PDE3A: variants seen among roughly 807,000 people sequenced by gnomAD.
PDE3A encodes phosphodiesterase 3A, also known as cGMP-inhibited 3',5'-cyclic phosphodiesterase 3A.
PDE3A carries 43 observed loss-of-function variants against 98.3 expected under a neutral mutation model. The observed-to-expected ratio is 0.44, with a 90% confidence interval of 0.34 to 0.56. The LOEUF (loss-of-function observed/expected upper bound fraction) is 0.56. PDE3A is among the 20% of genes least tolerant of loss of function. The pLI, the probability that PDE3A is intolerant of heterozygous loss-of-function variation, is 0.01. For synonymous variants in PDE3A, 663 were observed against 567.9 expected, an observed-to-expected ratio of 1.17 and a Z score of -2.38; for missense variants, 1,427 against 1,440.7, an observed-to-expected ratio of 0.99 and a Z score of 0.15.
chr12:20,501,161 AG>A (rs1946017728), intron 1 of PDE3A, among the ~76,000 whole-genome samples: 1 of 152,206 alleles, frequency 6.6e-6, no homozygotes, highest in African/African-American at 2.4e-5. Flanking sequence ...CAGGCATACA[AG>A]TTTTTTCTCT....
intron 15 of PDE3A, among the ~76,000 whole-genome samples, chr12:20,673,909 T>C (rs1050929617): frequency 2.0e-5 from 3 of 152,118 alleles, no homozygotes; most frequent in Admixed American, 2.0e-4. Flanking sequence ...CATACATTGC[T>C]TGGGTAGAAT....
rs1490278100 is a variant in PDE3A at position 20,686,248 on chromosome 12, G to A, written c.*5977G>A. ...ATAATTTAACTTTGTACAAATTATA[G>A]TCTGAGATCTTCTGAGTTTTCCTAA... On this transcript the variant is annotated 3_prime_UTR_variant, in exon 16 of 16. Transcript: ENST00000359062. 2.0e-5 allele frequency among the ~76,000 whole-genome samples: 3 copies of A among 152,126 alleles called. No individual in the cohort carries two copies. The highest frequency in any genetic ancestry group is 6.5e-5 in the Admixed American group (1 of 15,272).
chr12:20,468,980 C>T (rs1447492508), intron 1 of PDE3A, among the ~76,000 whole-genome samples: 2 of 152,164 alleles, frequency 1.3e-5, no homozygotes, highest in Non-Finnish European at 2.9e-5. Context: ...ATTATCTGAG[C>T]CCTCACAATT....
intron 1 of PDE3A, among the ~76,000 whole-genome samples, chr12:20,386,182 TAA>T (rs1476240053): frequency 1.4e-5 from 1 of 72,410 alleles, no homozygotes; most frequent in East Asian, 3.4e-4. Context: ...AAAATATATA[TAA>T]ATATATATAA....
chr12:20,378,967 G>T (rs1943618392), intron 1 of PDE3A, among the ~76,000 whole-genome samples: 2 of 151,626 alleles, frequency 1.3e-5, no homozygotes, highest in Non-Finnish European at 3.0e-5. Flanking sequence ...CCAGTACCTT[G>T]TTAGAATATT....
intron 15 of PDE3A, among the ~76,000 whole-genome samples, chr12:20,667,202 A>G (rs1469064520): frequency 2.0e-5 from 3 of 152,074 alleles, no homozygotes; most frequent in Admixed American, 6.6e-5. Flanking sequence ...AACAATTTGC[A>G]TATATTTTCT....
chr12:20,399,004 C>G (rs1015066012), intron 1 of PDE3A, among the ~76,000 whole-genome samples: 1 of 152,138 alleles, frequency 6.6e-6, no homozygotes, highest in African/African-American at 2.4e-5. Context: ...CCCCTGGTAA[C>G]TACCATTCCA....
At chr12:20,574,850 T>TC (rs1942891777) in intron 2 of PDE3A, among the ~76,000 whole-genome samples, 1 of 152,018 alleles carries the variant, frequency 6.6e-6, no homozygotes, top group South Asian at 2.1e-4. Context: ...CTCAATATCA[T>TC]CCTACAGTAA....
At chr12:20,572,929 C>T (rs1942836059) in intron 2 of PDE3A, among the ~76,000 whole-genome samples, 1 of 152,034 alleles carries the variant, frequency 6.6e-6, no homozygotes. Context: ...TCCCCCCATA[C>T]TGTACTGATT....
chr12:20,597,978 T>G (rs1943504765), intron 2 of PDE3A, among the ~76,000 whole-genome samples: 1 of 152,106 alleles, frequency 6.6e-6, no homozygotes, highest in South Asian at 2.1e-4. Context: ...ATACTTATGT[T>G]TTTTTTGTGC....
chr12:20,613,538 C>A lies in PDE3A; in HGVS notation c.1107C>A (p.Asn369Lys), dbSNP rs766934005. Residue 369 changes from asparagine to lysine, a missense_variant, in exon 3 of 16, where the codon AAC becomes AAA. Asn to Lys is a moderately conservative substitution (Grantham distance 94). Transcript: ENST00000359062. ...DLLADPSLPP[N>K]VCTSLRAVSN... ...TGGCAGACCCTTCTCTTCCACCAAACGTGTGCACATCCTTGAGAGCCGTGA... is the reference window on the plus strand; with the variant it reads ...TGGCAGACCCTTCTCTTCCACCAAAAGTGTGCACATCCTTGAGAGCCGTGA... 3.0e-5 allele frequency: 49 copies of A among 1,614,010 alleles called. 1 individual carries two copies. In the East Asian group the frequency reaches 1.1e-3, roughly 35 times the overall value.
At chr12:20,598,349 A>AT (rs1943514922) in intron 2 of PDE3A, among the ~76,000 whole-genome samples, 2 of 151,748 alleles carry the variant, frequency 1.3e-5, no homozygotes, top group South Asian at 4.2e-4. Flanking sequence ...CGCCCGGCTA[A>AT]TTTTTTGTAT....
At chr12:20,533,690 C>G (rs976300688) in intron 1 of PDE3A, among the ~76,000 whole-genome samples, 3 of 151,520 alleles carry the variant, frequency 2.0e-5, no homozygotes, top group Non-Finnish European at 2.9e-5. Context: ...CCGTGTTAGC[C>G]AGGATGGTCT....
At chr12:20,654,310 A>ATCATT (rs762004562) in intron 15 of PDE3A, 105 bp downstream of exon 15, 41 of 1,093,656 alleles carry the variant, frequency 3.7e-5, no homozygotes. Context: ...AAGTCTAAAC[A>ATCATT]TCATTTGCGG....
chr12:20,471,453 T>C (rs549015191), intron 1 of PDE3A, among the ~76,000 whole-genome samples: 1 of 152,270 alleles, frequency 6.6e-6, no homozygotes, highest in Admixed American at 6.5e-5. Context: ...CCTGAATTTA[T>C]CCCTTTTCCT....
chr12:20,495,990 C>G (rs931615771), intron 1 of PDE3A, among the ~76,000 whole-genome samples: 16 of 152,094 alleles, frequency 1.1e-4, no homozygotes, highest in Non-Finnish European at 4.4e-5. Context: ...AATTTTTATT[C>G]TCATTGTCAT....
intron 1 of PDE3A, among the ~76,000 whole-genome samples, chr12:20,381,770 A>C (rs1341006082): frequency 6.6e-6 from 1 of 151,956 alleles, no homozygotes; most frequent in African/African-American, 2.4e-5. Flanking sequence ...AATGTCGGCA[A>C]GTAAGTTTGT....
At chr12:20,524,312 TC>T (rs796161796) in intron 1 of PDE3A, among the ~76,000 whole-genome samples, 6 of 152,298 alleles carry the variant, frequency 3.9e-5, no homozygotes, top group African/African-American at 1.4e-4. Context: ...CGATAATCTG[TC>T]CCATTTCCTC....
intron 2 of PDE3A, among the ~76,000 whole-genome samples, chr12:20,610,885 G>T (rs1405104953): frequency 2.0e-5 from 3 of 151,950 alleles, no homozygotes; most frequent in Non-Finnish European, 4.4e-5. Flanking sequence ...ACCCTGGGCA[G>T]AGTCAGGGGA....
Sources: gnomAD v4.1 joint callset for allele counts (sites outside exome capture counted in the v4.1 genomes callset) on GRCh38, gnomAD v4.1.1 for gene constraint, MANE v1.5 for transcripts, NCBI Gene and HGNC (gene_info 2026-07-23, HGNC 2026-07-21) for gene names.